Variants in FAM107B observed in about 807,000 individuals in gnomAD.
FAM107B encodes the protein protein FAM107B.
In FAM107B, 21 loss-of-function variants were observed where a neutral mutation model predicts 31.5. The ratio of observed to expected loss-of-function variants is 0.67; its 90% CI spans 0.47 to 0.96. The LOEUF is 0.96. Among genes scored for constraint, FAM107B ranks in the 40% least tolerant of loss-of-function variants. The pLI is 0.00. For synonymous variants in FAM107B, 157 were observed against 141.5 expected, an observed-to-expected ratio of 1.11 and a Z score of -0.78; for missense variants, 452 against 377.1, an observed-to-expected ratio of 1.20 and a Z score of -1.64.
At chr10:14,653,136 T>A (rs1255330148) in intron 2 of FAM107B, among the ~76,000 whole-genome samples, 1 of 152,238 alleles carries the variant, frequency 6.6e-6, no homozygotes, top group Non-Finnish European at 1.5e-5. Flanking sequence ...ATTACACTTG[T>A]GACCTAATGG....
At chr10:14,761,295 G>A (rs1268454066) in intron 1 of FAM107B, among the ~76,000 whole-genome samples, 1 of 152,112 alleles carries the variant, frequency 6.6e-6, no homozygotes, top group African/African-American at 2.4e-5. Flanking sequence ...TTGTTGTTAG[G>A]CAAGAAGCCA....
intron 1 of FAM107B, among the ~76,000 whole-genome samples, chr10:14,703,176 T>A (rs891657729): frequency 6.6e-6 from 1 of 152,126 alleles, no homozygotes; most frequent in Non-Finnish European, 1.5e-5. Flanking sequence ...TCTCCCCATG[T>A]GCGTGCTAAT....
At chr10:14,542,206 G>T (rs1348686413) in intron 2 of FAM107B, among the ~76,000 whole-genome samples, 1 of 151,050 alleles carries the variant, frequency 6.6e-6, no homozygotes, top group African/African-American at 2.4e-5. Flanking sequence ...GGAGGCAGAG[G>T]CTGCAGTGAG....
At chr10:14,680,458 C>T (rs1854804602) in intron 1 of FAM107B, among the ~76,000 whole-genome samples, 1 of 151,766 alleles carries the variant, frequency 6.6e-6, no homozygotes, top group South Asian at 2.1e-4. Flanking sequence ...CCTGTAATCC[C>T]AGCTACTCGG....
At chr10:14,723,149 G>A (rs2131551557) in intron 1 of FAM107B, 6 of 472,288 alleles carry the variant, frequency 1.3e-5, no homozygotes, top group South Asian at 9.4e-5. Flanking sequence ...CGTTGCTTAA[G>A]AGCCAGTACA....
chr10:14,529,328 G>GT (rs780881471), intron 3 of FAM107B, among the ~76,000 whole-genome samples: 1 of 152,088 alleles, frequency 6.6e-6, no homozygotes, highest in Non-Finnish European at 1.5e-5. Flanking sequence ...GGATAAAACA[G>GT]GAGTAAGCCA....
intron 2 of FAM107B, among the ~76,000 whole-genome samples, chr10:14,606,228 C>T (rs1483602015): frequency 6.6e-6 from 1 of 152,140 alleles, no homozygotes; most frequent in Admixed American, 6.5e-5. Context: ...TCATGCTCTT[C>T]CACGGGCTTC....
chr10:14,584,009 C>G (rs928242780), intron 2 of FAM107B, among the ~76,000 whole-genome samples: 10 of 152,170 alleles, frequency 6.6e-5, no homozygotes, highest in Non-Finnish European at 1.2e-4. Context: ...GACACCAACA[C>G]AGAAATAAAC....
chr10:14,595,527 G>A (rs113774903), intron 2 of FAM107B, among the ~76,000 whole-genome samples: 1 of 149,294 alleles, frequency 6.7e-6, no homozygotes, highest in African/African-American at 2.5e-5. Flanking sequence ...CTGAGTTCGA[G>A]CGATTCTCCT....
At chr10:14,601,456 C>T (rs1852395222) in intron 2 of FAM107B, among the ~76,000 whole-genome samples, 1 of 152,080 alleles carries the variant, frequency 6.6e-6, no homozygotes, top group South Asian at 2.1e-4. Flanking sequence ...CAAAAATAGG[C>T]CATGATTAGA....
intron 2 of FAM107B, among the ~76,000 whole-genome samples, chr10:14,595,892 T>C (rs191529903): frequency 1.3e-5 from 2 of 152,332 alleles, no homozygotes; most frequent in East Asian, 1.9e-4. Context: ...TCCCTGCTTC[T>C]ATTCCTGGCC....
intron 3 of FAM107B, 124 bp downstream of exon 3, chr10:14,530,208 G>A (rs917138548): frequency 6.6e-6 from 7 of 1,067,670 alleles, no homozygotes; most frequent in African/African-American, 6.5e-5. Flanking sequence ...GAAGGAATAA[G>A]AAAGCCTTAA....
At chr10:14,576,011 C>A (rs1173473031) in intron 2 of FAM107B, among the ~76,000 whole-genome samples, 1 of 152,156 alleles carries the variant, frequency 6.6e-6, no homozygotes, top group Admixed American at 6.5e-5. Context: ...AAGTACTGTA[C>A]GATTCCATTT....
chr10:14,687,157 A>C (rs1423958479), intron 1 of FAM107B, among the ~76,000 whole-genome samples: 1 of 152,214 alleles, frequency 6.6e-6, no homozygotes, highest in South Asian at 2.1e-4. Context: ...TGTTAACCTC[A>C]TTCTAGAAAG....
chr10:14,534,621 C>T (rs989096990), intron 2 of FAM107B, among the ~76,000 whole-genome samples: 2 of 152,200 alleles, frequency 1.3e-5, no homozygotes, highest in Admixed American at 6.5e-5. Flanking sequence ...CCTCCGAAGG[C>T]GTGCTGAGGC....
chr10:14,757,630 A>G (rs911886594), intron 1 of FAM107B, among the ~76,000 whole-genome samples: 3 of 152,216 alleles, frequency 2.0e-5, no homozygotes, highest in African/African-American at 4.8e-5. Context: ...TTCCGCAGGC[A>G]GCTGGAGAGG....
rs376426540 is a variant in FAM107B at position 14,749,500 on chromosome 10, C to G, written c.411+24753G>C. Among the ~76,000 whole-genome samples, 78 of 152,342 alleles carry G rather than the reference C, an allele frequency of 5.1e-4. No individual in the cohort carries two copies. In the South Asian group the frequency reaches 6.2e-3, roughly 12 times the overall value. ...GTGAGTTCATCCATTTACTAAAACA[C>G]ATACTTCATTATATAATAATTTCCC... On this transcript the variant is annotated intron_variant, in intron 1 of 4. Coordinates refer to ENST00000181796, the MANE Select transcript of FAM107B (RefSeq NM_031453.4).
intron 2 of FAM107B, among the ~76,000 whole-genome samples, chr10:14,631,910 T>TA (rs1254667723): frequency 8.5e-5 from 13 of 152,216 alleles, no homozygotes; most frequent in Non-Finnish European, 1.9e-4. Context: ...ACGGCTTTTA[T>TA]AAGGTAGGTT....
chr10:14,607,007 A>G (rs936689476), intron 2 of FAM107B, among the ~76,000 whole-genome samples: 3 of 152,224 alleles, frequency 2.0e-5, no homozygotes, highest in African/African-American at 7.2e-5. Context: ...CAAGATTCTA[A>G]ATCCCATCCC....
Sources: allele counts gnomAD v4.1 joint callset (sites outside exome capture counted in the v4.1 genomes callset), GRCh38; gene constraint gnomAD v4.1.1; transcripts MANE v1.5; gene names NCBI Gene and HGNC (gene_info 2026-07-23, HGNC 2026-07-21).